Variants in LARP4 observed in about 807,000 individuals in gnomAD.
LARP4 encodes La ribonucleoprotein 4.
In LARP4, 29 loss-of-function variants were observed where a neutral mutation model predicts 92.9. The observed-to-expected ratio is 0.31, with a 90% CI of 0.23 to 0.43. The LOEUF is 0.43. LARP4 is among the 20% of genes least tolerant of loss of function. The pLI is 1.00. For missense variants in LARP4, 732 were observed against 860.0 expected, an observed-to-expected ratio of 0.85 and a Z score of 1.86; for synonymous variants, 279 against 284.1, an observed-to-expected ratio of 0.98 and a Z score of 0.18.
At chr12:50,428,751 A>G (rs1460426882) in intron 2 of LARP4, among the ~76,000 whole-genome samples, 184 bp from the exon 3 acceptor site, 2 of 152,210 alleles carry the variant, frequency 1.3e-5, no homozygotes, top group Non-Finnish European at 2.9e-5. Flanking sequence ...TGATCATTTT[A>G]GTTTATCTGT....
At position 50,441,591 on chromosome 12, in the gene LARP4, C is replaced by G. The variant is rs1831721377; in HGVS notation, c.752C>G (p.Ala251Gly). ...TFQSDTDAQQAFKYLREEVKT... is the reference protein window; with the variant it reads ...TFQSDTDAQQGFKYLREEVKT... ...GTTTTTTTTGTGCTTTGTTAACAGG[C>G]TTTTAAATACTTAAGAGAAGAAGTT... Residue 251 changes from alanine (A) to glycine (G), a missense_variant and splice_region_variant, in exon 8 of 16, where the codon GCT becomes GGT. Coordinates refer to ENST00000398473, the MANE Select transcript of LARP4 (RefSeq NM_052879.5). 4.4e-6 allele frequency: 7 copies of G among 1,587,964 alleles called. No homozygotes were observed. Among genetic ancestry groups the G allele is most frequent in the Non-Finnish European group, 4.3e-6 (5 of 1,168,922 alleles).
At chr12:50,462,136 C>A (rs1306221274) in intron 11 of LARP4, among the ~76,000 whole-genome samples, 2 of 151,906 alleles carry the variant, frequency 1.3e-5, no homozygotes, top group Non-Finnish European at 1.5e-5. Context: ...AATATATTAT[C>A]TTTTAGTAAT....
chr12:50,462,542 C>T (rs374239494), intron 11 of LARP4, 40 bp from the exon 12 acceptor site: 3 of 988,970 alleles, frequency 3.0e-6, no homozygotes, highest in Middle Eastern at 2.1e-4. Flanking sequence ...ATGACTTGTC[C>T]CTCCACCCCA....
intron 1 of LARP4, among the ~76,000 whole-genome samples, chr12:50,426,088 G>A (rs1565984236): frequency 6.6e-6 from 1 of 152,090 alleles, no homozygotes. Context: ...GACCAAGGAG[G>A]AGGACAGGAA....
chr12:50,402,351 A>C (rs186251269), intron 1 of LARP4, among the ~76,000 whole-genome samples: 9 of 152,270 alleles, frequency 5.9e-5, no homozygotes, highest in Admixed American at 5.9e-4. Flanking sequence ...ACTTAAAATT[A>C]CTGAACTCAT....
chr12:50,472,876 G>A (rs1486641546), intron 13 of LARP4, among the ~76,000 whole-genome samples: 2 of 151,324 alleles, frequency 1.3e-5, no homozygotes, highest in Non-Finnish European at 2.9e-5. Context: ...CTGGAGTGCA[G>A]TGGTGCAATC....
At chr12:50,434,728 A>G (rs1023729859) in intron 4 of LARP4, among the ~76,000 whole-genome samples, 40 of 151,866 alleles carry the variant, frequency 2.6e-4, no homozygotes, top group African/African-American at 7.5e-4. Context: ...TTATATAAGC[A>G]TGTTTGACTT....
At chr12:50,453,781 G>T in intron 9 of LARP4, 109 bp downstream of exon 9, 1 of 685,074 alleles carries the variant, frequency 1.5e-6, no homozygotes, top group South Asian at 2.7e-5. Flanking sequence ...ATGACTTTTT[G>T]GCCTTTATTT....
chr12:50,415,885 T>C (rs1946694016), intron 1 of LARP4: 1 of 152,022 alleles, frequency 6.6e-6, no homozygotes, highest in Non-Finnish European at 1.5e-5. Flanking sequence ...GTTTTTTTTT[T>C]TGGTAGTGAT....
chr12:50,445,624 G>T (rs888124466), intron 8 of LARP4, among the ~76,000 whole-genome samples: 1 of 151,698 alleles, frequency 6.6e-6, no homozygotes, highest in East Asian at 1.9e-4. Context: ...ACCTATTTTT[G>T]TTGTTGTTGT....
At chr12:50,441,074 G>C (rs1356151251) in intron 7 of LARP4, among the ~76,000 whole-genome samples, 2 of 151,976 alleles carry the variant, frequency 1.3e-5, no homozygotes, top group Non-Finnish European at 2.9e-5. Flanking sequence ...TAGTAGAGGT[G>C]GGGTTTCACC....
chr12:50,470,355 G>A (rs1321191442), intron 13 of LARP4, among the ~76,000 whole-genome samples: 1 of 151,656 alleles, frequency 6.6e-6, no homozygotes, highest in Non-Finnish European at 1.5e-5. Flanking sequence ...ATAAAATAAT[G>A]GTGTAGTTCA....
At chr12:50,423,700 G>A (rs917398545) in intron 1 of LARP4, among the ~76,000 whole-genome samples, 12 of 151,318 alleles carry the variant, frequency 7.9e-5, no homozygotes, top group African/African-American at 2.7e-4. Flanking sequence ...GCCTGCCTTG[G>A]CCTCCCAAAG....
intron 1 of LARP4, among the ~76,000 whole-genome samples, chr12:50,415,556 T>A (rs1946615816): frequency 6.6e-6 from 1 of 152,182 alleles, no homozygotes; most frequent in South Asian, 2.1e-4. Flanking sequence ...AGCCTTAGTC[T>A]CATATGGTGA....
chr12:50,425,469 T>C (rs1294424381), intron 1 of LARP4, among the ~76,000 whole-genome samples: 1 of 152,192 alleles, frequency 6.6e-6, no homozygotes. Context: ...CATTTTCTCC[T>C]ATTGAAAAAT....
intron 7 of LARP4, chr12:50,441,317 A>G (rs1951172725): frequency 1.1e-5 from 3 of 267,588 alleles, no homozygotes; most frequent in East Asian, 1.4e-4. Context: ...AAAGTTGATC[A>G]TTTTTAAATT....
intron 1 of LARP4, chr12:50,421,346 T>C: frequency 1.1e-6 from 1 of 930,782 alleles, no homozygotes; most frequent in Non-Finnish European, 1.3e-6. Context: ...AAGCAGCATT[T>C]TAATGGAATG....
At chr12:50,414,769 A>G (rs1027610885) in intron 1 of LARP4, among the ~76,000 whole-genome samples, 2 of 152,236 alleles carry the variant, frequency 1.3e-5, no homozygotes, top group African/African-American at 2.4e-5. Context: ...CTTTTATAGT[A>G]TTCCACATTA....
chr12:50,409,838 G>T (rs1166514200), intron 1 of LARP4, among the ~76,000 whole-genome samples: 4 of 150,366 alleles, frequency 2.7e-5, no homozygotes, highest in Admixed American at 6.6e-5. Flanking sequence ...CGCTCTTATT[G>T]CCCAGGCTGG....
Sources: allele counts gnomAD v4.1 joint callset (sites outside exome capture counted in the v4.1 genomes callset), GRCh38; gene constraint gnomAD v4.1.1; transcripts MANE v1.5; gene names NCBI Gene and HGNC (gene_info 2026-07-23, HGNC 2026-07-21).